GPR176: variants seen among roughly 807,000 people sequenced by gnomAD.
The protein encoded by GPR176 is G protein-coupled receptor 176.
GPR176 carries 26 observed loss-of-function variants against 35.4 expected under a neutral mutation model. The ratio of observed to expected loss-of-function variants is 0.74; its 90% CI spans 0.54 to 1.02. The LOEUF (loss-of-function observed/expected upper bound fraction) is 1.02. Among genes scored for constraint, GPR176 ranks in the 50% least tolerant of loss-of-function variants. The pLI is 0.00. For missense variants in GPR176, 597 were observed against 665.3 expected (o/e 0.90, Z 1.13); for synonymous variants, 278 against 271.3 (o/e 1.02, Z -0.24).
intron 1 of GPR176, among the ~76,000 whole-genome samples, chr15:39,834,752 T>C (rs1901289077): frequency 1.3e-5 from 2 of 152,046 alleles, no homozygotes; most frequent in African/African-American, 4.8e-5. Context: ...CGCATGGAGA[T>C]AGAGAGTAGA....
Position 39,801,151 on chromosome 15 carries a change from A to G in GPR176, c.1529T>C (p.Phe510Ser). 6.2e-7 allele frequency: 1 copy of G among 1,602,720 alleles called. No homozygotes were observed. The highest frequency in any genetic ancestry group is 8.5e-7 in the Non-Finnish European group (1 of 1,172,676). ...TCCTTGCTAGGAATCCACCTTTGGA[A>G]AAATGCTCACTTTATTGTTTCTGCT... ...KMSRNNKVSI[F>S]PKVDS The change falls in exon 3 of 3, where the codon TTT (phenylalanine) becomes TCT (serine). Residue 510 changes from phenylalanine to serine, a missense_variant. Around this residue, in one of 3 missense-constraint regions of GPR176, gnomAD observed 251 missense variants for 255.4 expected, o/e 0.98. Transcript: ENST00000561100.
chr15:39,882,155 C>A (rs1051991201), intron 1 of GPR176, among the ~76,000 whole-genome samples: 1 of 152,116 alleles, frequency 6.6e-6, no homozygotes, highest in Non-Finnish European at 1.5e-5. Context: ...AAGTTATATT[C>A]CTGAGACAAA....
chr15:39,849,244 T>C (rs2030680679), intron 1 of GPR176, among the ~76,000 whole-genome samples: 1 of 152,142 alleles, frequency 6.6e-6, no homozygotes, highest in South Asian at 2.1e-4. Context: ...TCACTCAATA[T>C]GAAACAGATC....
chr15:39,821,929 T>C (rs1900301880), intron 1 of GPR176, among the ~76,000 whole-genome samples: 1 of 152,254 alleles, frequency 6.6e-6, no homozygotes, highest in Non-Finnish European at 1.5e-5. Context: ...CAATAGGACA[T>C]GACAGAAATG....
chr15:39,912,356 C>A (rs143302588), intron 1 of GPR176, among the ~76,000 whole-genome samples: 373 of 152,204 alleles, frequency 2.5e-3, no homozygotes, highest in African/African-American at 8.7e-3. Flanking sequence ...GTGGCTCACA[C>A]CTGTAATCCC....
At chr15:39,914,125 T>C (rs935273358) in intron 1 of GPR176, among the ~76,000 whole-genome samples, 1 of 152,182 alleles carries the variant, frequency 6.6e-6, no homozygotes, top group Admixed American at 6.6e-5. Flanking sequence ...TGTATGAATT[T>C]TATCTCAATA....
Position 39,920,208 on chromosome 15 carries a change from G to A in GPR176, c.-182C>T. The A allele has an allele frequency of 2.4e-6, 1 of 412,544 alleles. No individual in the cohort carries two copies. Among genetic ancestry groups the A allele is most frequent in the Admixed American group, 4.4e-5 (1 of 22,636 alleles). 25.6% of individuals were successfully genotyped at this position (412,544 alleles called of 1,614,324 possible). ...CCGGCGCCCGGGAGGCGGGGAGGGA[G>A]GGAGGCGCGGCTGCGCCCCATGCCC... On this transcript the variant is annotated 5_prime_UTR_variant, in exon 1 of 3. Transcript: ENST00000561100.
rs1210232897 is a variant in GPR176 at position 39,802,030 on chromosome 15, G to A, written c.650C>T (p.Pro217Leu). The A allele has an allele frequency of 6.2e-7, 1 of 1,614,126 alleles. No homozygotes were observed. Among genetic ancestry groups the A allele is most frequent in the South Asian group, 1.1e-5 (1 of 91,074 alleles). The change falls in exon 3 of 3, where the codon CCT becomes CTT. Residue 217 changes from proline (P) to leucine (L), a missense_variant. Coordinates refer to ENST00000561100, the MANE Select transcript of GPR176 (RefSeq NM_007223.3). The stretch of plus-strand genomic sequence containing the variant: ...CAAGAAGAGGAACACCACCACCACA[G>A]GCACAATGACCGTGGTGATGTTATA... Reference protein sequence around the residue: ...LVYNITTVIVPVVVVFLFLIL... With the variant: ...LVYNITTVIVLVVVVFLFLIL...
At chr15:39,878,159 G>T (rs1279277621) in intron 1 of GPR176, among the ~76,000 whole-genome samples, 1 of 119,780 alleles carries the variant, frequency 8.3e-6, no homozygotes, top group African/African-American at 3.0e-5. Context: ...GATCTCTCTT[G>T]GCAAATTTCA....
intron 1 of GPR176, among the ~76,000 whole-genome samples, chr15:39,853,777 C>G (rs180815587): frequency 1.3e-5 from 2 of 152,156 alleles, no homozygotes; most frequent in African/African-American, 4.8e-5. Context: ...TCACAAAGCA[C>G]AAGACATCCC....
chr15:39,847,606 G>A, intron 1 of GPR176, among the ~76,000 whole-genome samples: 1 of 151,940 alleles, frequency 6.6e-6, no homozygotes, highest in Non-Finnish European at 1.5e-5. Flanking sequence ...AGCCAGGCAT[G>A]GTAGCATGTG....
chr15:39,852,196 T>C (rs1428053337), intron 1 of GPR176, among the ~76,000 whole-genome samples: 2 of 152,180 alleles, frequency 1.3e-5, no homozygotes, highest in Admixed American at 1.3e-4. Flanking sequence ...AAGGCAGTGA[T>C]TTGTTGTTTG....
intron 1 of GPR176, among the ~76,000 whole-genome samples, chr15:39,837,083 C>T (rs1370011750): frequency 6.6e-6 from 1 of 152,108 alleles, no homozygotes; most frequent in East Asian, 1.9e-4. Flanking sequence ...GCTGAGTTAT[C>T]AGTCTAGGGA....
chr15:39,802,315 A>C, intron 2 of GPR176, 61 bp from the exon 3 acceptor site: 1 of 1,303,786 alleles, frequency 7.7e-7, no homozygotes, highest in Non-Finnish European at 1.1e-6. Context: ...AGGGGAACCT[A>C]AATCACCAAA....
At chr15:39,889,583 T>TAAAATAAAAC (rs2140857228) in intron 1 of GPR176, among the ~76,000 whole-genome samples, 1 of 149,184 alleles carries the variant, frequency 6.7e-6, no homozygotes, top group South Asian at 2.2e-4. Context: ...TAAAATAAAA[T>TAAAATAAAAC]AAAATAAAAT....
At chr15:39,824,222 C>CA (rs1337069830) in intron 1 of GPR176, among the ~76,000 whole-genome samples, 3 of 152,252 alleles carry the variant, frequency 2.0e-5, no homozygotes, top group African/African-American at 7.2e-5. Context: ...AGGCCAGAAG[C>CA]AGATGCTGGC....
At chr15:39,892,761 C>T (rs143569509) in intron 1 of GPR176, among the ~76,000 whole-genome samples, 154 of 152,348 alleles carry the variant, frequency 1.0e-3, no homozygotes, top group African/African-American at 3.5e-3. Context: ...CATGAACAGA[C>T]TCCCTCAGAG....
At chr15:39,849,466 GA>G (rs1379284890) in intron 1 of GPR176, among the ~76,000 whole-genome samples, 3 of 151,768 alleles carry the variant, frequency 2.0e-5, no homozygotes, top group African/African-American at 7.3e-5. Flanking sequence ...CAAAATCAAA[GA>G]AAGTACAAAA....
At chr15:39,842,773 C>T (rs1456054211) in intron 1 of GPR176, among the ~76,000 whole-genome samples, 1 of 151,966 alleles carries the variant, frequency 6.6e-6, no homozygotes, top group Non-Finnish European at 1.5e-5. Context: ...TACAAGCCAC[C>T]TAGTTTATGG....
Sources: gnomAD v4.1 joint callset for allele counts (sites outside exome capture counted in the v4.1 genomes callset) on GRCh38, gnomAD v4.1.1 for gene constraint, gnomAD v4.1.1 regional missense constraint, MANE v1.5 for transcripts, NCBI Gene and HGNC (gene_info 2026-07-23, HGNC 2026-07-21) for gene names.